The following EDIL3 variants were observed in gnomAD, a reference collection of about 807,000 sequenced individuals.
EDIL3 encodes the protein EGF-like repeat and discoidin I-like domain-containing protein 3.
Under a neutral mutation model 67.4 loss-of-function variants are expected in EDIL3, and 37 were observed. The ratio of observed to expected loss-of-function variants is 0.55; its 90% confidence interval spans 0.42 to 0.72. The LOEUF is 0.72. Ranked by LOEUF, EDIL3 falls within the 30% of genes least tolerant of loss-of-function variation. The probability of loss-of-function intolerance (pLI) is 0.00; values close to 1 mark genes in which losing one functional copy is unlikely to be tolerated. For synonymous variants in EDIL3, 195 were observed against 196.3 expected (o/e 0.99, Z 0.05); for missense variants, 527 against 586.3 (o/e 0.90, Z 1.04).
rs535090837 is a variant in EDIL3 at position 84,114,428 on chromosome 5, C to CACTTACTCATTCCCAAATTCCTGCAGAG, written c.470-7626_470-7599dup. Among the ~76,000 whole-genome samples the CACTTACTCATTCCCAAATTCCTGCAGAG allele has an allele frequency of 8.5e-5, 13 of 152,236 alleles. No individual in the cohort carries two copies. In the East Asian group the frequency reaches 1.9e-3, roughly 23 times the overall value. The stretch of plus-strand genomic sequence containing the variant: ...AACATGCACAACACAGCCTTAGCTT[C>CACTTACTCATTCCCAAATTCCTGCAGAG]ACTTACTCATTCCCAAATTCCTGCA... On this transcript the variant is annotated intron_variant, in intron 5 of 10. Coordinates refer to ENST00000296591, the MANE Select transcript of EDIL3 (RefSeq NM_005711.5).
At chr5:84,352,406 T>C (rs1008402428) in intron 1 of EDIL3, among the ~76,000 whole-genome samples, 5 of 152,056 alleles carry the variant, frequency 3.3e-5, no homozygotes, top group Non-Finnish European at 5.9e-5. Flanking sequence ...AGAGGATGAT[T>C]AGATTCAGAA....
At chr5:84,294,255 G>A (rs1463897966) in intron 1 of EDIL3, among the ~76,000 whole-genome samples, 2 of 151,578 alleles carry the variant, frequency 1.3e-5, no homozygotes, top group African/African-American at 4.8e-5. Flanking sequence ...CATTGTGGCG[G>A]GCACCTGTAG....
At chr5:84,069,804 C>T (rs1746704423) in intron 6 of EDIL3, among the ~76,000 whole-genome samples, 1 of 152,004 alleles carries the variant, frequency 6.6e-6, no homozygotes, top group South Asian at 2.1e-4. Flanking sequence ...CCAAATGTTG[C>T]ATTTTCCAAG....
At chr5:84,018,627 A>G (rs1286509461) in intron 9 of EDIL3, among the ~76,000 whole-genome samples, 1 of 152,186 alleles carries the variant, frequency 6.6e-6, no homozygotes, top group Non-Finnish European at 1.5e-5. Flanking sequence ...GGAGCAATCA[A>G]TTAGGAAAGC....
intron 9 of EDIL3, among the ~76,000 whole-genome samples, chr5:84,017,329 A>T (rs1745624835): frequency 6.6e-6 from 1 of 152,166 alleles, no homozygotes; most frequent in Non-Finnish European, 1.5e-5. Context: ...GTACACAGAG[A>T]GGTTCCACAA....
In EDIL3 at chr5:84,342,766, A is replaced by G. The variant is rs931938419; in HGVS notation, c.67+41542T>C. ...AAAACTTATGGTTTTCTGGAACTGA[A>G]TAAGTGTTTGTTTCATCTATTTTTT... On this transcript the variant is annotated intron_variant, in intron 1 of 10. Transcript: ENST00000296591. Among the ~76,000 whole-genome samples, 4 of 152,026 alleles carry G rather than the reference A, an allele frequency of 2.6e-5. No individual in the cohort carries two copies. The East Asian group carries it at 7.7e-4, about 29-fold the overall frequency.
chr5:83,949,331 G>GA (rs1226862154), intron 10 of EDIL3, among the ~76,000 whole-genome samples: 3 of 151,334 alleles, frequency 2.0e-5, no homozygotes, highest in East Asian at 2.0e-4. Context: ...AAAGTCAAAT[G>GA]AAAAAAAATT....
chr5:84,057,985 T>C (rs1746479170), intron 9 of EDIL3, among the ~76,000 whole-genome samples: 2 of 152,084 alleles, frequency 1.3e-5, no homozygotes, highest in Non-Finnish European at 2.9e-5. Context: ...GTAGTATACA[T>C]GATAAAGATT....
At chr5:84,249,249 T>G (rs1329810536) in intron 2 of EDIL3, among the ~76,000 whole-genome samples, 1 of 152,216 alleles carries the variant, frequency 6.6e-6, no homozygotes, top group Non-Finnish European at 1.5e-5. Context: ...AATTATTTTT[T>G]AGATTTATGT....
intron 9 of EDIL3, among the ~76,000 whole-genome samples, chr5:84,041,286 G>T (rs1746115113): frequency 6.6e-6 from 1 of 151,758 alleles, no homozygotes; most frequent in Non-Finnish European, 1.5e-5. Context: ...GCCCAACACA[G>T]ACCTAATAAC....
intron 5 of EDIL3, among the ~76,000 whole-genome samples, chr5:84,130,630 GTATTA>G (rs1747948033): frequency 6.6e-6 from 1 of 151,896 alleles, no homozygotes; most frequent in South Asian, 2.1e-4. Context: ...TAGGAATTTA[GTATTA>G]TATTATATAA....
intron 1 of EDIL3, among the ~76,000 whole-genome samples, chr5:84,277,836 C>A (rs1033547364): frequency 6.6e-6 from 1 of 151,874 alleles, no homozygotes; most frequent in Non-Finnish European, 1.5e-5. Flanking sequence ...AGGAAATAAA[C>A]CCCTTTTTTT....
chr5:84,277,161 A>G (rs1745598373), intron 1 of EDIL3, among the ~76,000 whole-genome samples: 1 of 152,142 alleles, frequency 6.6e-6, no homozygotes, highest in African/African-American at 2.4e-5. Context: ...GAATGTTTAC[A>G]TCCCCCCAAG....
At chr5:84,184,135 C>A (rs762074517) in intron 3 of EDIL3, among the ~76,000 whole-genome samples, 6 of 152,072 alleles carry the variant, frequency 3.9e-5, no homozygotes, top group Non-Finnish European at 5.9e-5. Context: ...ACAACAACAA[C>A]AAAAAACAAC....
intron 1 of EDIL3, among the ~76,000 whole-genome samples, chr5:84,317,121 G>A (rs1347904347): frequency 6.6e-6 from 1 of 152,072 alleles, no homozygotes; most frequent in African/African-American, 2.4e-5. Flanking sequence ...GTGTGTAGAG[G>A]GAAATTTATA....
intron 3 of EDIL3, among the ~76,000 whole-genome samples, chr5:84,224,448 T>A (rs1744408498): frequency 6.6e-6 from 1 of 151,520 alleles, no homozygotes. Context: ...AATTTATATG[T>A]CTTTTTTTTC....
At chr5:84,114,606 T>C (rs1428434374) in intron 5 of EDIL3, among the ~76,000 whole-genome samples, 1 of 152,238 alleles carries the variant, frequency 6.6e-6, no homozygotes, top group Non-Finnish European at 1.5e-5. Context: ...ACAGTCACAG[T>C]AACCTTCCTT....
At chr5:84,135,099 T>C (rs1215275327) in intron 5 of EDIL3, among the ~76,000 whole-genome samples, 1 of 152,146 alleles carries the variant, frequency 6.6e-6, no homozygotes, top group African/African-American at 2.4e-5. Flanking sequence ...TCGACCTGTT[T>C]CCCTATTCCT....
At chr5:84,275,332 T>C (rs1206474148) in intron 1 of EDIL3, among the ~76,000 whole-genome samples, 1 of 152,210 alleles carries the variant, frequency 6.6e-6, no homozygotes, top group Non-Finnish European at 1.5e-5. Flanking sequence ...CCTACAATCA[T>C]ATAGTAGAAC....
Sources: allele counts gnomAD v4.1 joint callset (sites outside exome capture counted in the v4.1 genomes callset), GRCh38; gene constraint gnomAD v4.1.1; transcripts MANE v1.5; gene names NCBI Gene and HGNC (gene_info 2026-07-23, HGNC 2026-07-21).